Variants in ODAD2 observed in about 807,000 individuals in gnomAD.
The protein encoded by ODAD2 is outer dynein arm docking complex subunit 2.
A neutral mutation model predicts 106.8 loss-of-function variants in ODAD2; 89 were observed. The observed-to-expected ratio is 0.83, with a 90% CI of 0.70 to 0.99. ODAD2 has a LOEUF of 0.99. ODAD2 is among the 50% of genes least tolerant of loss of function. The probability of loss-of-function intolerance (pLI) is 0.00; values close to 1 mark genes in which losing one functional copy is unlikely to be tolerated. For synonymous variants in ODAD2, 404 were observed against 436.2 expected (o/e 0.93, Z 0.92); for missense variants, 1,168 against 1,238.5 (o/e 0.94, Z 0.85).
chr10:27,821,900 T>C (rs1374355190), intron 19 of ODAD2, among the ~76,000 whole-genome samples: 4 of 152,188 alleles, frequency 2.6e-5, no homozygotes, highest in African/African-American at 9.6e-5. Context: ...AAAACACACC[T>C]AAAGACTTTA....
In ODAD2 at chr10:27,907,704, T is replaced by C. The variant is rs369880731; in HGVS notation, c.2569A>G (p.Ser857Gly). 19 of 1,613,816 alleles carry C rather than the reference T, an allele frequency of 1.2e-5. No individual in the cohort carries two copies. Among genetic ancestry groups the C allele is most frequent in the Non-Finnish European group, 1.6e-5 (19 of 1,179,892 alleles). The change falls in exon 17 of 20, where the codon AGC (serine) becomes GGC (glycine). Residue 857 changes from serine to glycine, a missense_variant. Around this residue, in one of 3 missense-constraint regions of ODAD2, gnomAD observed 701 missense variants for 712.3 expected, o/e 0.98. Transcript: ENST00000305242. ...CATGGACAGAGTGCCCATGCTGCGC[T>C]GGCCTTCACGTCTGGGTGAGGATTT... is the stretch of plus-strand genomic sequence containing the variant. ...LKNPHPDVKA[S>G]AAWALCPCIK...
intron 2 of ODAD2, among the ~76,000 whole-genome samples, chr10:27,992,662 C>T (rs1439190769): frequency 1.3e-5 from 2 of 152,126 alleles, no homozygotes; most frequent in African/African-American, 4.8e-5. Context: ...GCAGTCCAGC[C>T]TGGGCAACAG....
chr10:27,886,863 A>T (rs1357567622), intron 17 of ODAD2, among the ~76,000 whole-genome samples: 1 of 152,026 alleles, frequency 6.6e-6, no homozygotes, highest in Non-Finnish European at 1.5e-5. Flanking sequence ...GTAACCACAA[A>T]GAAAATAACC....
intron 7 of ODAD2, among the ~76,000 whole-genome samples, chr10:27,978,068 T>A (rs530736835): frequency 6.6e-6 from 1 of 152,356 alleles, no homozygotes; most frequent in Middle Eastern, 3.4e-3. Flanking sequence ...ATGTTCTTAG[T>A]AGTTTTATTT....
intron 17 of ODAD2, among the ~76,000 whole-genome samples, chr10:27,875,872 T>C (rs991534397): frequency 3.3e-5 from 5 of 152,176 alleles, no homozygotes; most frequent in African/African-American, 1.2e-4. Flanking sequence ...CCAACAGTCT[T>C]AGTAAACAGC....
intron 17 of ODAD2, chr10:27,904,269 C>T: frequency 2.5e-6 from 1 of 404,866 alleles, no homozygotes; most frequent in Non-Finnish European, 5.0e-6. Context: ...GCACCAACCC[C>T]ACAAAGTGGC....
rs569849847 is a variant in ODAD2, at chr10:27,848,123, A to C, written c.3021+12502T>G. Among the ~76,000 whole-genome samples the C allele has an allele frequency of 2.6e-5, 4 of 152,324 alleles. No homozygotes were observed. The South Asian group carries it at 8.3e-4, about 32-fold the overall frequency. On this transcript the variant is annotated intron_variant, in intron 19 of 19. Transcript: ENST00000305242. Reference sequence around the variant, plus strand: ...GAGCCCACATTGCCATGACAATCCTAAGCCAAAAGAACAAAGCCGGAGGCA... The same window carrying C: ...GAGCCCACATTGCCATGACAATCCTCAGCCAAAAGAACAAAGCCGGAGGCA...
At chr10:27,851,974 T>A (rs1839296575) in intron 19 of ODAD2, among the ~76,000 whole-genome samples, 1 of 152,156 alleles carries the variant, frequency 6.6e-6, no homozygotes, top group South Asian at 2.1e-4. Flanking sequence ...ATAAGCATGA[T>A]AACAGATTTC....
At chr10:27,957,915 AT>A (rs1362673056) in intron 10 of ODAD2, among the ~76,000 whole-genome samples, 13 of 152,182 alleles carry the variant, frequency 8.5e-5, no homozygotes, top group African/African-American at 3.1e-4. Flanking sequence ...CAACATGAAT[AT>A]TTCTCTGCTA....
intron 16 of ODAD2, among the ~76,000 whole-genome samples, chr10:27,931,982 G>A (rs909756918): frequency 6.6e-6 from 1 of 151,812 alleles, no homozygotes; most frequent in Non-Finnish European, 1.5e-5. Flanking sequence ...GCTTAGACTA[G>A]CCCACCTTAA....
intron 17 of ODAD2, among the ~76,000 whole-genome samples, chr10:27,876,539 T>C (rs886141355): frequency 1.3e-5 from 2 of 152,194 alleles, no homozygotes; most frequent in African/African-American, 4.8e-5. Flanking sequence ...TGGGATTCCC[T>C]TTCAAACTCC....
At chr10:27,962,770 C>T (rs1349561274) in intron 9 of ODAD2, among the ~76,000 whole-genome samples, 2 of 152,124 alleles carry the variant, frequency 1.3e-5, no homozygotes, top group Non-Finnish European at 2.9e-5. Context: ...TTGTCTCCGC[C>T]TCCCACCGCC....
At chr10:27,961,054 C>G (rs2132843923) in intron 10 of ODAD2, among the ~76,000 whole-genome samples, 1 of 152,164 alleles carries the variant, frequency 6.6e-6, no homozygotes, top group South Asian at 2.1e-4. Flanking sequence ...TGAACCAATC[C>G]ACACTATAAG....
intron 9 of ODAD2, among the ~76,000 whole-genome samples, chr10:27,963,612 T>G (rs1409546960): frequency 2.0e-5 from 3 of 148,974 alleles, no homozygotes; most frequent in Non-Finnish European, 2.9e-5. Flanking sequence ...TGGACTTAAC[T>G]TGTTGCTAAG....
intron 19 of ODAD2, among the ~76,000 whole-genome samples, chr10:27,844,873 A>T (rs568545568): frequency 1.3e-5 from 2 of 152,220 alleles, no homozygotes; most frequent in Non-Finnish European, 2.9e-5. Context: ...GTGGCGAAGG[A>T]GTTGGATTTG....
chr10:27,853,395 A>AAATAAAT, intron 19 of ODAD2: 2 of 167,632 alleles, frequency 1.2e-5, no homozygotes, highest in South Asian at 5.8e-5. Context: ...AATAAATAAA[A>AAATAAAT]GTAAGCCCTA....
At position 27,934,046 on chromosome 10, in the gene ODAD2, T is replaced by C. The variant is rs891524249; in HGVS notation, c.2495+964A>G. Among the ~76,000 whole-genome samples, 3 of 152,280 alleles carry C rather than the reference T, an allele frequency of 2.0e-5. No individual in the cohort carries two copies. The South Asian group carries it at 6.2e-4, about 32-fold the overall frequency. ...CTTTCCCATGCTGTTCTCATGATAG[T>C]GAGTAAGTCTCATGAGATCTGATAG... On this transcript the variant is annotated intron_variant, in intron 16 of 19. Transcript: ENST00000305242.
intron 16 of ODAD2, among the ~76,000 whole-genome samples, chr10:27,933,170 A>G (rs934719761): frequency 2.7e-4 from 41 of 152,170 alleles, no homozygotes; most frequent in Non-Finnish European, 4.6e-4. Flanking sequence ...GGATTGCTTG[A>G]GCCCATGAGT....
At chr10:27,869,606 C>T (rs974417598) in intron 17 of ODAD2, among the ~76,000 whole-genome samples, 93 of 150,602 alleles carry the variant, frequency 6.2e-4, no homozygotes, top group African/African-American at 2.1e-3. Flanking sequence ...ACGATCTTGG[C>T]TCACTGCAAC....
Sources: gnomAD v4.1 joint callset for allele counts (sites outside exome capture counted in the v4.1 genomes callset) on GRCh38, gnomAD v4.1.1 for gene constraint, gnomAD v4.1.1 regional missense constraint, MANE v1.5 for transcripts, NCBI Gene and HGNC (gene_info 2026-07-23, HGNC 2026-07-21) for gene names.